CBL: variants seen among roughly 807,000 people sequenced by gnomAD.
CBL encodes E3 ubiquitin-protein ligase CBL.
CBL carries 45 observed loss-of-function variants against 96.9 expected under a neutral mutation model. That is an observed-to-expected ratio of 0.46 (90% CI 0.37 to 0.60). CBL has a LOEUF of 0.60. Ranked by LOEUF, CBL falls within the 20% of genes least tolerant of loss-of-function variation. The pLI, the probability that CBL is intolerant of heterozygous loss-of-function variation, is 0.00. For missense variants in CBL, 1,024 were observed against 1,143.5 expected, an observed-to-expected ratio of 0.90 and a Z score of 1.51; for synonymous variants, 420 against 426.8, an observed-to-expected ratio of 0.98 and a Z score of 0.20.
chr11:119,228,475 G>T (rs540096156), intron 1 of CBL, among the ~76,000 whole-genome samples: 2 of 152,018 alleles, frequency 1.3e-5, no homozygotes, highest in African/African-American at 2.4e-5. Context: ...GCATGGTGGC[G>T]CATGCCAGTA....
At chr11:119,264,417 TC>T (rs1320444666) in intron 2 of CBL, among the ~76,000 whole-genome samples, 1 of 123,808 alleles carries the variant, frequency 8.1e-6, no homozygotes, top group South Asian at 2.4e-4. Flanking sequence ...TCTTCTCTTC[TC>T]TTCTCTTCTC....
At chr11:119,233,373 A>G (rs1010923168) in intron 2 of CBL, among the ~76,000 whole-genome samples, 8 of 152,158 alleles carry the variant, frequency 5.3e-5, no homozygotes, top group Non-Finnish European at 1.0e-4. Flanking sequence ...AGCTGGGATT[A>G]TAGATGTGCA....
In CBL at chr11:119,278,103, G is replaced by T. The variant is rs2135303338; in HGVS notation, c.1096-63G>T. 3 of 1,346,046 alleles carry T rather than the reference G, an allele frequency of 2.2e-6. No individual in the cohort carries two copies. The Admixed American group carries it at 5.8e-5, about 26-fold the overall frequency. 83.4% of individuals were successfully genotyped at this position (1,346,046 alleles called of 1,614,324 possible). On this transcript the variant is annotated intron_variant, in intron 7 of 15. Transcript: ENST00000264033. Reference sequence around the variant, plus strand: ...TAGGAAACAAGTCTTCACTTTTTCTGTTAACATTTATAATTGCAGTTATTT... The same window carrying T: ...TAGGAAACAAGTCTTCACTTTTTCTTTTAACATTTATAATTGCAGTTATTT...
chr11:119,308,080 A>C lies in CBL; in HGVS notation c.*8299A>C, dbSNP rs1405588429. On this transcript the variant is annotated 3_prime_UTR_variant, in exon 16 of 16. Transcript: ENST00000264033. ...CATTTCCATACACAGTTAGTTAACTAAAGAGCTTTTTCAAGCACCCATGTC... is the reference window on the plus strand; with the variant it reads ...CATTTCCATACACAGTTAGTTAACTCAAGAGCTTTTTCAAGCACCCATGTC... 1 of 176,646 alleles carries C rather than the reference A, an allele frequency of 5.7e-6. No homozygotes were observed. The highest frequency in any genetic ancestry group is 9.5e-5 in the East Asian group (1 of 10,478). The allele number at this position is 176,646 out of a possible 1,614,324, so 10.9% of individuals were successfully genotyped here. A position where few individuals can be genotyped will look rare whatever the true frequency, so the allele number is the denominator to read the frequency against.
Position 119,307,906 on chromosome 11 carries a change from C to T in CBL, c.*8125C>T, listed in dbSNP as rs1591277163. On this transcript the variant is annotated 3_prime_UTR_variant, in exon 16 of 16. Coordinates refer to ENST00000264033, the MANE Select transcript of CBL (RefSeq NM_005188.4). The stretch of plus-strand genomic sequence containing the variant: ...TATTAGCAGTATTTAATCATTCTCA[C>T]CTGTAAAGAATAAGAAAAACAGAAG... 1 of 200,714 alleles carries T rather than the reference C, an allele frequency of 5.0e-6. No homozygotes were observed. The highest frequency in any genetic ancestry group is 2.3e-5 in the African/African-American group (1 of 43,544). 12.4% of individuals were successfully genotyped at this position (200,714 alleles called of 1,614,324 possible). A position where few individuals can be genotyped will look rare whatever the true frequency, so the allele number is the denominator to read the frequency against.
At chr11:119,231,918 G>A (rs1949504595) in intron 1 of CBL, among the ~76,000 whole-genome samples, 1 of 151,250 alleles carries the variant, frequency 6.6e-6, no homozygotes, top group African/African-American at 2.4e-5. Context: ...GGTCTAGCCT[G>A]GGCAACATGT....
chr11:119,267,465 A>C (rs1271145367), intron 2 of CBL, among the ~76,000 whole-genome samples: 1 of 147,558 alleles, frequency 6.8e-6, no homozygotes, highest in Non-Finnish European at 1.5e-5. Context: ...AAATTATTTT[A>C]AGAGCCAAAG....
At chr11:119,274,525 C>CTA (rs913295306) in intron 4 of CBL, among the ~76,000 whole-genome samples, 1 of 152,168 alleles carries the variant, frequency 6.6e-6, no homozygotes, top group African/African-American at 2.4e-5. Context: ...TTAGTTGCAC[C>CTA]TATAGGCCCT....
intron 8 of CBL, 91 bp downstream of exon 8, chr11:119,278,388 G>A (rs890620314): frequency 5.2e-6 from 8 of 1,550,242 alleles, no homozygotes; most frequent in Non-Finnish European, 7.1e-6. Flanking sequence ...GGGGTGGCCT[G>A]GCTTTTGGGG....
chr11:119,210,565 A>G (rs1468499771), intron 1 of CBL, among the ~76,000 whole-genome samples: 3 of 145,674 alleles, frequency 2.1e-5, no homozygotes, highest in Non-Finnish European at 4.5e-5. Context: ...AGTAGCTGGG[A>G]TTATAGGCAT....
intron 9 of CBL, among the ~76,000 whole-genome samples, chr11:119,281,752 C>G (rs1949936234): frequency 6.6e-6 from 1 of 152,106 alleles, no homozygotes. Context: ...CTGCCTCGGC[C>G]TCCCACAGTG....
intron 2 of CBL, among the ~76,000 whole-genome samples, chr11:119,253,471 AT>A (rs1383287403): frequency 9.5e-5 from 14 of 147,118 alleles, no homozygotes; most frequent in African/African-American, 3.5e-4. Flanking sequence ...AAAAAAAGTC[AT>A]TGATGAAAAA....
chr11:119,249,827 A>G (rs936530752), intron 2 of CBL, among the ~76,000 whole-genome samples: 1 of 151,556 alleles, frequency 6.6e-6, no homozygotes. Flanking sequence ...AGACTAACTT[A>G]TTTTTTTGTA....
In CBL at chr11:119,299,797, C is replaced by T; in HGVS notation, c.*16C>T. 1 of 1,613,192 alleles carries T rather than the reference C, an allele frequency of 6.2e-7. No homozygotes were observed. Among genetic ancestry groups the T allele is most frequent in the Middle Eastern group, 1.7e-4 (1 of 5,992 alleles). On this transcript the variant is annotated 3_prime_UTR_variant, in exon 16 of 16. Transcript: ENST00000264033. ...AGCTACCTAGCACACCATCTCCCTGCTGCAGGTTTAGAGGACCAGTGAGTT... is the reference window on the plus strand; with the variant it reads ...AGCTACCTAGCACACCATCTCCCTGTTGCAGGTTTAGAGGACCAGTGAGTT...
At chr11:119,252,699 TACAAACAAACAA>T (rs540740007) in intron 2 of CBL, among the ~76,000 whole-genome samples, 2 of 151,664 alleles carry the variant, frequency 1.3e-5, no homozygotes, top group African/African-American at 2.4e-5. Context: ...CTACCAAAAA[TACAAACAAACAA>T]ACAAACAAAC....
chr11:119,307,217 G>A lies in CBL; in HGVS notation c.*7436G>A, dbSNP rs1398333201. 3 of 232,346 alleles carry A rather than the reference G, an allele frequency of 1.3e-5. No homozygotes were observed. Among genetic ancestry groups the A allele is most frequent in the Non-Finnish European group, 2.6e-5 (3 of 117,300 alleles). 14.4% of individuals were successfully genotyped at this position (232,346 alleles called of 1,614,324 possible). A position where few individuals can be genotyped will look rare whatever the true frequency, so the allele number is the denominator to read the frequency against. ...ATCATTTGGTTGGTTCCAATCACAA[G>A]CTTAGTTATCAGGTTGCATGCCTTG... On this transcript the variant is annotated 3_prime_UTR_variant, in exon 16 of 16. Coordinates refer to ENST00000264033, the MANE Select transcript of CBL (RefSeq NM_005188.4).
chr11:119,265,974 G>GT (rs1025087625), intron 2 of CBL, among the ~76,000 whole-genome samples: 1 of 138,690 alleles, frequency 7.2e-6, no homozygotes, highest in African/African-American at 2.7e-5. Context: ...GAGCCAAGAC[G>GT]TGACACTGCA....
At chr11:119,239,101 C>G (rs1949566439) in intron 2 of CBL, among the ~76,000 whole-genome samples, 1 of 152,114 alleles carries the variant, frequency 6.6e-6, no homozygotes, top group Non-Finnish European at 1.5e-5. Context: ...TCCCTAGTAG[C>G]TGGGACCACA....
At chr11:119,274,742 G>A (rs2135300066) in intron 4 of CBL, 90 bp from the exon 5 acceptor site, 1 of 1,201,712 alleles carries the variant, frequency 8.3e-7, no homozygotes, top group Non-Finnish European at 1.2e-6. Flanking sequence ...AATGAACTGA[G>A]AGTTGGTGTT....
Sources: gnomAD v4.1 joint callset for allele counts (sites outside exome capture counted in the v4.1 genomes callset) on GRCh38, gnomAD v4.1.1 for gene constraint, MANE v1.5 for transcripts, NCBI Gene and HGNC (gene_info 2026-07-23, HGNC 2026-07-21) for gene names.